Variants in CPED1 observed in about 807,000 individuals in gnomAD.
CPED1 encodes cadherin-like and PC-esterase domain-containing protein 1.
A neutral mutation model predicts 128.2 loss-of-function variants in CPED1; 114 were observed. The ratio of observed to expected loss-of-function variants is 0.89; its 90% CI spans 0.76 to 1.04. The LOEUF is 1.04. Ranked by LOEUF, CPED1 falls within the 50% of genes least tolerant of loss-of-function variation. The probability of loss-of-function intolerance (pLI) is 0.00; values close to 1 mark genes in which losing one functional copy is unlikely to be tolerated. For synonymous variants in CPED1, 462 were observed against 426.7 expected, an observed-to-expected ratio of 1.08 and a Z score of -1.02; for missense variants, 1,211 against 1,207.1, an observed-to-expected ratio of 1.00 and a Z score of -0.05.
chr7:121,012,565 C>T (rs996160473), intron 2 of CPED1, among the ~76,000 whole-genome samples: 3 of 152,186 alleles, frequency 2.0e-5, no homozygotes, highest in Non-Finnish European at 2.9e-5. Context: ...CTTGCTAGTG[C>T]GGTTGACATA....
intron 16 of CPED1, among the ~76,000 whole-genome samples, chr7:121,196,639 C>T (rs1307372928): frequency 2.0e-5 from 3 of 152,086 alleles, no homozygotes; most frequent in Non-Finnish European, 4.4e-5. Context: ...TAGTGCAGGA[C>T]ATACTTATAA....
chr7:121,007,264 A>G (rs1792047590), intron 2 of CPED1, among the ~76,000 whole-genome samples: 1 of 118,164 alleles, frequency 8.5e-6, no homozygotes, highest in African/African-American at 3.3e-5. Flanking sequence ...TGCAACTTGC[A>G]CTCTTCCATT....
chr7:121,167,800 C>T (rs1458022386), intron 16 of CPED1, among the ~76,000 whole-genome samples: 4 of 142,944 alleles, frequency 2.8e-5, no homozygotes, highest in African/African-American at 1.1e-4. Flanking sequence ...GGAGCGATCT[C>T]GGCCCACTGC....
chr7:121,077,342 T>G (rs1163390427), intron 5 of CPED1, among the ~76,000 whole-genome samples: 1 of 152,194 alleles, frequency 6.6e-6, no homozygotes, highest in East Asian at 1.9e-4. Flanking sequence ...CATGCATTTT[T>G]TCATTCCTTT....
At chr7:121,130,419 C>A in intron 12 of CPED1, 125 bp downstream of exon 12, 1 of 676,610 alleles carries the variant, frequency 1.5e-6, no homozygotes, top group Non-Finnish European at 2.4e-6. Flanking sequence ...AATTTCCATG[C>A]TCAGGAAAAT....
chr7:121,221,718 T>C (rs1722530077), intron 16 of CPED1, among the ~76,000 whole-genome samples: 1 of 152,230 alleles, frequency 6.6e-6, no homozygotes, highest in East Asian at 1.9e-4. Context: ...TAACCAGTGA[T>C]GATGAGCATT....
intron 16 of CPED1, among the ~76,000 whole-genome samples, chr7:121,196,619 A>G (rs542556642): frequency 2.7e-4 from 41 of 152,256 alleles, no homozygotes; most frequent in Admixed American, 8.5e-4. Flanking sequence ...GTCTGGGGAC[A>G]TGTAAAATTT....
intron 18 of CPED1, among the ~76,000 whole-genome samples, chr7:121,251,746 C>A: frequency 7.4e-6 from 1 of 134,924 alleles, no homozygotes; most frequent in African/African-American, 2.7e-5. Context: ...ACCTAGGAAT[C>A]CAACTTAAAG....
intron 4 of CPED1, among the ~76,000 whole-genome samples, chr7:121,059,295 G>A (rs1487246858): frequency 6.6e-6 from 1 of 152,136 alleles, no homozygotes; most frequent in Non-Finnish European, 1.5e-5. Flanking sequence ...ATTTTCAGGT[G>A]AATTTGATGG....
intron 18 of CPED1, among the ~76,000 whole-genome samples, chr7:121,248,625 CAAAT>C (rs1055373247): frequency 8.9e-5 from 13 of 146,328 alleles, no homozygotes; most frequent in African/African-American, 3.3e-4. Context: ...CATTAAGCCA[CAAAT>C]AAAGATGCCG....
intron 22 of CPED1, among the ~76,000 whole-genome samples, chr7:121,278,946 T>A (rs1792381938): frequency 6.6e-6 from 1 of 152,156 alleles, no homozygotes. Flanking sequence ...AGATGCTGAC[T>A]CATAAACTCC....
intron 11 of CPED1, among the ~76,000 whole-genome samples, chr7:121,129,313 GTATA>G (rs71530055): frequency 0.041 from 1,109 of 26,840 alleles, 35 homozygotes; most frequent in Middle Eastern, 0.38. Flanking sequence ...ATATATATAC[GTATA>G]TATATATATA....
chr7:121,004,024 G>A (rs1056600932), intron 2 of CPED1, among the ~76,000 whole-genome samples: 1 of 152,156 alleles, frequency 6.6e-6, no homozygotes, highest in Non-Finnish European at 1.5e-5. Context: ...AATAGGATAA[G>A]GCAACGTTTC....
intron 5 of CPED1, among the ~76,000 whole-genome samples, chr7:121,092,237 T>C (rs1018886563): frequency 6.6e-6 from 1 of 152,176 alleles, no homozygotes; most frequent in Non-Finnish European, 1.5e-5. Flanking sequence ...TACATTGTGG[T>C]AGCGAGAGAA....
At chr7:121,229,241 T>G (rs1257860517) in intron 16 of CPED1, among the ~76,000 whole-genome samples, 1 of 152,048 alleles carries the variant, frequency 6.6e-6, no homozygotes, top group East Asian at 1.9e-4. Context: ...TCCTTCCCAA[T>G]TTGTGAATAT....
chr7:121,020,433 A>G (rs1792410087), intron 3 of CPED1, among the ~76,000 whole-genome samples: 1 of 151,962 alleles, frequency 6.6e-6, no homozygotes, highest in Admixed American at 6.6e-5. Flanking sequence ...ATTAATTGCA[A>G]CAGAGTCTGT....
At chr7:121,293,209 A>T (rs1453394551) in intron 22 of CPED1, among the ~76,000 whole-genome samples, 1 of 152,108 alleles carries the variant, frequency 6.6e-6, no homozygotes, top group Non-Finnish European at 1.5e-5. Context: ...TCTTTCAGAG[A>T]TGCCCCGCCC....
intron 5 of CPED1, among the ~76,000 whole-genome samples, chr7:121,079,226 G>A (rs1261461469): frequency 6.6e-6 from 1 of 152,152 alleles, no homozygotes. Context: ...GAAGACAGAA[G>A]GCTGCGAGTA....
intron 16 of CPED1, 24 bp from the exon 17 acceptor site, chr7:121,236,690 C>A: frequency 7.3e-7 from 1 of 1,377,628 alleles, no homozygotes; most frequent in Non-Finnish European, 1.0e-6. Flanking sequence ...AATACAACAA[C>A]TAATATCTAT....
Sources: gnomAD v4.1 joint callset for allele counts (sites outside exome capture counted in the v4.1 genomes callset) on GRCh38, gnomAD v4.1.1 for gene constraint, MANE v1.5 for transcripts, NCBI Gene and HGNC (gene_info 2026-07-23, HGNC 2026-07-21) for gene names.